Variants in CDH13 observed in about 807,000 individuals in gnomAD.
CDH13 encodes the protein cadherin-13.
Under a neutral mutation model 63.8 loss-of-function variants are expected in CDH13, and 24 were observed. That is an observed-to-expected ratio of 0.38 (90% CI 0.27 to 0.53). The LOEUF is 0.53. CDH13 is among the 20% of genes least tolerant of loss of function. The pLI is 0.85. For missense variants in CDH13, 1,049 were observed against 903.1 expected, an observed-to-expected ratio of 1.16 and a Z score of -2.07; for synonymous variants, 503 against 355.3, an observed-to-expected ratio of 1.42 and a Z score of -4.67.
At chr16:83,518,234 C>T (rs937576004) in intron 7 of CDH13, among the ~76,000 whole-genome samples, 15 of 151,568 alleles carry the variant, frequency 9.9e-5, no homozygotes, top group African/African-American at 3.2e-4. Context: ...AGCTCTGCCT[C>T]CCAGGTTCAT....
At chr16:82,834,041 C>G (rs62035161) in intron 1 of CDH13, among the ~76,000 whole-genome samples, 27,643 of 152,128 alleles carry the variant, frequency 0.18, 2,594 homozygotes, top group Admixed American at 0.24. Flanking sequence ...TAATAATTTT[C>G]TCAATTCAGC....
At chr16:83,159,256 C>T (rs551755041) in intron 4 of CDH13, among the ~76,000 whole-genome samples, 16 of 152,202 alleles carry the variant, frequency 1.1e-4, no homozygotes, top group Admixed American at 7.8e-4. Context: ...ACTGTGAATT[C>T]CTGTGACTCT....
chr16:83,063,002 A>G (rs2031698890), intron 3 of CDH13, among the ~76,000 whole-genome samples: 1 of 136,060 alleles, frequency 7.3e-6, no homozygotes, highest in Non-Finnish European at 1.5e-5. Flanking sequence ...TTGCTCTATT[A>G]CCCAGGCTGG....
At chr16:83,008,639 G>A (rs905533051) in intron 2 of CDH13, among the ~76,000 whole-genome samples, 3 of 152,182 alleles carry the variant, frequency 2.0e-5, no homozygotes, top group Non-Finnish European at 4.4e-5. Flanking sequence ...TGAGACCACT[G>A]GGTGTGGGAG....
chr16:83,671,906 C>G (rs56354124), intron 9 of CDH13, among the ~76,000 whole-genome samples: 2 of 152,312 alleles, frequency 1.3e-5, no homozygotes, highest in Non-Finnish European at 2.9e-5. Flanking sequence ...CCTTGGTATT[C>G]TGGGAGAAGG....
intron 6 of CDH13, among the ~76,000 whole-genome samples, chr16:83,439,889 C>T (rs1418822614): frequency 3.3e-5 from 5 of 152,120 alleles, no homozygotes; most frequent in African/African-American, 7.2e-5. Flanking sequence ...CTTTCTCTAA[C>T]AAAGTCCAAA....
Position 83,670,910 on chromosome 16 carries a change from G to A in CDH13, c.1222G>A (p.Gly408Arg), listed in dbSNP as rs751528576. The change falls in exon 9 of 14, where the codon GGG (glycine) becomes AGG (arginine). Residue 408 changes from glycine to arginine, a missense_variant. By Grantham distance (125) the Gly-to-Arg change is moderately radical (BLOSUM62 -2). Transcript: ENST00000567109. Reference sequence around the variant, plus strand: ...CTACACCATCATCAACGGAAACCCCGGGCAGAGCTTTGAAATCCACACCAA... The same window carrying A: ...CTACACCATCATCAACGGAAACCCCAGGCAGAGCTTTGAAATCCACACCAA... ...AAYTIINGNP[G>R]QSFEIHTNPQ... is the part of the protein sequence containing the mutation. 126 of 1,612,688 alleles carry A rather than the reference G, an allele frequency of 7.8e-5. No individual in the cohort carries two copies. The Admixed American group carries it at 8.8e-4, about 11-fold the overall frequency.
At chr16:82,796,741 G>T (rs1011827128) in intron 1 of CDH13, among the ~76,000 whole-genome samples, 1 of 152,216 alleles carries the variant, frequency 6.6e-6, no homozygotes, top group Non-Finnish European at 1.5e-5. Flanking sequence ...GACAAATAAT[G>T]ACCTTTTAGT....
intron 5 of CDH13, among the ~76,000 whole-genome samples, chr16:83,244,456 A>G (rs1238317597): frequency 2.0e-5 from 3 of 152,162 alleles, no homozygotes; most frequent in Admixed American, 1.3e-4. Flanking sequence ...ATGCCATCTT[A>G]TCTGTCAGAA....
rs1555523905 is a variant in CDH13, at chr16:83,743,762, T to TTTTC, written c.1539-4343_1539-4342insCTTT. Among the ~76,000 whole-genome samples the TTTTC allele has an allele frequency of 6.8e-4, 91 of 134,268 alleles. 2 individuals are homozygous for TTTTC. Among genetic ancestry groups the TTTTC allele is most frequent in the African/African-American group, 2.4e-3 (85 of 35,978 alleles). 88.1% of individuals were successfully genotyped at this position (134,268 alleles called of 152,430 possible). On this transcript the variant is annotated intron_variant, in intron 10 of 13. Transcript: ENST00000567109. ...TTTTCTTTTTTCTTTTTTTTTTTTTTTTTTTCTTTGCTTTTTCCATCCCCA... is the reference window on the plus strand; with the variant it reads ...TTTTCTTTTTTCTTTTTTTTTTTTTTTTTCTTTTTCTTTGCTTTTTCCATCCCCA...
Position 83,438,769 on chromosome 16 carries a change from C to G in CDH13, c.782-47708C>G, listed in dbSNP as rs904964644. Among the ~76,000 whole-genome samples, 9 of 152,204 alleles carry G rather than the reference C, an allele frequency of 5.9e-5. 1 individual carries two copies. Among genetic ancestry groups the G allele is most frequent in the African/African-American group, 2.2e-4 (9 of 41,440 alleles). On this transcript the variant is annotated intron_variant, in intron 6 of 13. Transcript: ENST00000567109. ...GAATGGTTGTCTGACAATATTTCTT[C>G]TGATGTTGAACATATTTTGTACGTT...
chr16:83,508,956 T>C (rs2074490023), intron 7 of CDH13, among the ~76,000 whole-genome samples: 1 of 149,498 alleles, frequency 6.7e-6, no homozygotes, highest in African/African-American at 2.5e-5. Flanking sequence ...TGAGAATTTA[T>C]GCATAGGTGT....
intron 5 of CDH13, among the ~76,000 whole-genome samples, chr16:83,253,425 A>G (rs1435942163): frequency 6.6e-6 from 1 of 152,188 alleles, no homozygotes; most frequent in Non-Finnish European, 1.5e-5. Context: ...TCAAAGTAAG[A>G]AGCAGCCAGT....
chr16:83,567,696 C>T (rs1047759298), intron 7 of CDH13, among the ~76,000 whole-genome samples: 2 of 152,078 alleles, frequency 1.3e-5, no homozygotes, highest in African/African-American at 2.4e-5. Flanking sequence ...CCTGGGTTCA[C>T]GCTATTCTCC....
chr16:83,236,496 A>G (rs1423511923), intron 5 of CDH13, among the ~76,000 whole-genome samples: 4 of 152,216 alleles, frequency 2.6e-5, no homozygotes, highest in Non-Finnish European at 5.9e-5. Context: ...GTGAGAAAAA[A>G]TTTAATTAGT....
intron 7 of CDH13, among the ~76,000 whole-genome samples, chr16:83,590,787 C>T (rs533959262): frequency 1.4e-4 from 21 of 152,050 alleles, no homozygotes; most frequent in Admixed American, 2.6e-4. Flanking sequence ...ACGACATCAG[C>T]GTCTCCAAGA....
chr16:83,258,521 T>G (rs1906562610), intron 5 of CDH13, among the ~76,000 whole-genome samples: 1 of 152,230 alleles, frequency 6.6e-6, no homozygotes, highest in Non-Finnish European at 1.5e-5. Context: ...GAAGGCACTC[T>G]GTGAAAGATT....
intron 4 of CDH13, among the ~76,000 whole-genome samples, chr16:83,202,777 T>C (rs979369334): frequency 6.6e-6 from 1 of 152,226 alleles, no homozygotes; most frequent in Admixed American, 6.5e-5. Context: ...ATGCTGATTT[T>C]ATTACATTAC....
chr16:83,272,475 C>T (rs2088854979), intron 5 of CDH13, among the ~76,000 whole-genome samples: 1 of 152,160 alleles, frequency 6.6e-6, no homozygotes, highest in Non-Finnish European at 1.5e-5. Flanking sequence ...CGGGTATTTT[C>T]CCATGTTGTT....
Sources: allele counts gnomAD v4.1 joint callset (sites outside exome capture counted in the v4.1 genomes callset), GRCh38; gene constraint gnomAD v4.1.1; transcripts MANE v1.5; gene names NCBI Gene and HGNC (gene_info 2026-07-23, HGNC 2026-07-21).